The following ADK variants were observed in gnomAD, a reference collection of about 807,000 sequenced individuals.
The protein encoded by ADK is N6,N6-dimethyladenosine kinase.
ADK carries 24 observed loss-of-function variants against 44.7 expected under a neutral mutation model. The observed-to-expected ratio is 0.54, with a 90% CI of 0.39 to 0.76. The LOEUF is 0.76. ADK is among the 30% of genes least tolerant of loss of function. The pLI is 0.00. For missense variants in ADK, 321 were observed against 425.1 expected, an observed-to-expected ratio of 0.76 and a Z score of 2.15; for synonymous variants, 128 against 142.6, an observed-to-expected ratio of 0.90 and a Z score of 0.73.
chr10:74,281,628 GATA>G (rs1185569628), intron 3 of ADK, among the ~76,000 whole-genome samples: 2 of 152,026 alleles, frequency 1.3e-5, no homozygotes, highest in African/African-American at 4.8e-5. Flanking sequence ...TGTTATATGA[GATA>G]ATAATTCCTC....
At chr10:74,697,367 T>C (rs1038880934) in intron 10 of ADK, among the ~76,000 whole-genome samples, 2 of 151,916 alleles carry the variant, frequency 1.3e-5, no homozygotes, top group Admixed American at 6.6e-5. Context: ...TGAGACTCCA[T>C]TTCTACAAAA....
intron 6 of ADK, among the ~76,000 whole-genome samples, chr10:74,404,242 T>G (rs1843826893): frequency 6.6e-6 from 1 of 152,084 alleles, no homozygotes. Context: ...TACATTTTAC[T>G]TCTACATATA....
chr10:74,648,404 G>A (rs1854128757), intron 9 of ADK, among the ~76,000 whole-genome samples: 1 of 152,144 alleles, frequency 6.6e-6, no homozygotes, highest in South Asian at 2.1e-4. Flanking sequence ...CCTAGGCCGG[G>A]CGCCGTGGCT....
At chr10:74,594,635 A>G (rs79126327) in intron 8 of ADK, among the ~76,000 whole-genome samples, 2 of 151,696 alleles carry the variant, frequency 1.3e-5, no homozygotes, top group East Asian at 3.9e-4. Context: ...ATGCTGTCTG[A>G]AAGAGATGTA....
At chr10:74,588,328 T>C (rs1463578013) in intron 7 of ADK, among the ~76,000 whole-genome samples, 1 of 152,084 alleles carries the variant, frequency 6.6e-6, no homozygotes, top group Non-Finnish European at 1.5e-5. Context: ...AAAAATGTCT[T>C]TTATAGCTGG....
intron 9 of ADK, among the ~76,000 whole-genome samples, chr10:74,640,625 A>C (rs146865346): frequency 6.6e-6 from 1 of 152,354 alleles, no homozygotes; most frequent in African/African-American, 2.4e-5. Context: ...CTTTTTATAA[A>C]GGGTCAAATA....
chr10:74,309,575 C>G (rs763162694), intron 3 of ADK, among the ~76,000 whole-genome samples: 1 of 152,100 alleles, frequency 6.6e-6, no homozygotes, highest in Admixed American at 6.5e-5. Context: ...TTATAAACAT[C>G]ATATTCCAAT....
intron 6 of ADK, among the ~76,000 whole-genome samples, chr10:74,480,875 G>A (rs1176929781): frequency 6.6e-6 from 1 of 152,064 alleles, no homozygotes; most frequent in Non-Finnish European, 1.5e-5. Flanking sequence ...AGTTTTCTTA[G>A]ACTATATTTT....
chr10:74,628,221 T>C (rs771505255), intron 9 of ADK, among the ~76,000 whole-genome samples: 57 of 152,288 alleles, frequency 3.7e-4, no homozygotes, highest in Non-Finnish European at 6.9e-4. Context: ...ATCAGCTTTT[T>C]TCTTCTAGTT....
chr10:74,372,061 G>A (rs148002286), intron 4 of ADK: 3 of 759,386 alleles, frequency 4.0e-6, no homozygotes, highest in Admixed American at 3.4e-5. Flanking sequence ...TTGATGTGGT[G>A]GATGCCAGCC....
chr10:74,564,292 C>T (rs376369608), intron 7 of ADK, among the ~76,000 whole-genome samples: 154 of 152,068 alleles, frequency 1.0e-3, no homozygotes, highest in Middle Eastern at 3.4e-3. Context: ...TGAAGGAAGG[C>T]GGCTTAAAAA....
chr10:74,676,350 G>A (rs1316054670), intron 10 of ADK, among the ~76,000 whole-genome samples: 2 of 152,052 alleles, frequency 1.3e-5, no homozygotes, highest in Non-Finnish European at 2.9e-5. Flanking sequence ...GGCTGGTCTC[G>A]AACTCCTGAC....
At chr10:74,665,569 C>CA (rs1023626424) in intron 9 of ADK, among the ~76,000 whole-genome samples, 7 of 151,500 alleles carry the variant, frequency 4.6e-5, no homozygotes, top group Admixed American at 2.0e-4. Flanking sequence ...CCTGTCTCTA[C>CA]AAAAAAAATT....
chr10:74,154,109 AGTTT>A (rs1841687691), intron 1 of ADK, among the ~76,000 whole-genome samples: 1 of 152,048 alleles, frequency 6.6e-6, no homozygotes, highest in Non-Finnish European at 1.5e-5. Flanking sequence ...CTTATAGGAA[AGTTT>A]GTTTGGTGGC....
chr10:74,443,389 A>G (rs575504590), intron 6 of ADK, among the ~76,000 whole-genome samples: 1 of 152,216 alleles, frequency 6.6e-6, no homozygotes, highest in South Asian at 2.1e-4. Flanking sequence ...ACTTTCATCC[A>G]TGCTGCAACA....
intron 3 of ADK, among the ~76,000 whole-genome samples, chr10:74,244,866 G>A (rs935674749): frequency 1.3e-5 from 2 of 152,178 alleles, no homozygotes; most frequent in African/African-American, 4.8e-5. Context: ...GCCATTGAAT[G>A]ACGATCCATT....
intron 3 of ADK, among the ~76,000 whole-genome samples, chr10:74,303,781 A>G (rs569815718): frequency 4.3e-4 from 65 of 151,638 alleles, no homozygotes; most frequent in Admixed American, 7.2e-4. Flanking sequence ...CAGCCTGGCC[A>G]ACATAGTGAA....
rs1003729650 is a variant in ADK at position 74,345,181 on chromosome 10, A to G, written c.273+30436A>G. On this transcript the variant is annotated intron_variant, in intron 4 of 10. Transcript: ENST00000539909. Reference sequence around the variant, plus strand: ...ATTTTTTCTTGAAATTTTTTTAGTCATTTGTGCCTTTCTAAGTATTTGTCC... The same window carrying G: ...ATTTTTTCTTGAAATTTTTTTAGTCGTTTGTGCCTTTCTAAGTATTTGTCC... Among the ~76,000 whole-genome samples, 8 of 152,218 alleles carry G rather than the reference A, an allele frequency of 5.3e-5. No individual in the cohort carries two copies. In the East Asian group the frequency reaches 1.3e-3, roughly 26 times the overall value.
intron 3 of ADK, among the ~76,000 whole-genome samples, chr10:74,273,111 G>T (rs1044595532): frequency 3.3e-5 from 5 of 151,904 alleles, no homozygotes; most frequent in African/African-American, 1.2e-4. Flanking sequence ...AAGAATTGTG[G>T]CCCAGTTGTG....
Sources: gnomAD v4.1 joint callset for allele counts (sites outside exome capture counted in the v4.1 genomes callset) on GRCh38, gnomAD v4.1.1 for gene constraint, MANE v1.5 for transcripts, NCBI Gene and HGNC (gene_info 2026-07-23, HGNC 2026-07-21) for gene names.